GRID2: variants seen among roughly 807,000 people sequenced by gnomAD.
GRID2 encodes glutamate ionotropic receptor delta type subunit 2, also known as glutamate receptor ionotropic, delta-2.
GRID2 carries 33 observed loss-of-function variants against 114.8 expected under a neutral mutation model. The ratio of observed to expected loss-of-function variants is 0.29; its 90% confidence interval spans 0.22 to 0.38. The LOEUF (loss-of-function observed/expected upper bound fraction) is 0.38, where lower values mean the gene tolerates loss of function less well. Among genes scored for constraint, GRID2 ranks in the 10% least tolerant of loss-of-function variants. GRID2 has a pLI of 1.00. For missense variants in GRID2, 1,184 were observed against 1,257.7 expected, an observed-to-expected ratio of 0.94 and a Z score of 0.89; for synonymous variants, 505 against 449.9, an observed-to-expected ratio of 1.12 and a Z score of -1.55.
chr4:92,771,136 C>T (rs548451568), intron 2 of GRID2, among the ~76,000 whole-genome samples: 20 of 152,238 alleles, frequency 1.3e-4, no homozygotes, highest in African/African-American at 4.3e-4. Flanking sequence ...CCAGTATTTC[C>T]AAACATGTTA....
At chr4:92,574,489 A>T (rs1727792655) in intron 1 of GRID2, among the ~76,000 whole-genome samples, 1 of 146,660 alleles carries the variant, frequency 6.8e-6, no homozygotes, top group South Asian at 2.2e-4. Flanking sequence ...GAGCTCTTGT[A>T]ACACAAGTCT....
chr4:93,064,440 C>T (rs1728086763), intron 2 of GRID2, among the ~76,000 whole-genome samples: 1 of 151,814 alleles, frequency 6.6e-6, no homozygotes, highest in Admixed American at 6.6e-5. Flanking sequence ...ACAGCATTTA[C>T]TAGCTCCTTG....
At chr4:93,314,753 AC>A (rs1756403211) in intron 8 of GRID2, among the ~76,000 whole-genome samples, 1 of 152,038 alleles carries the variant, frequency 6.6e-6, no homozygotes, top group Non-Finnish European at 1.5e-5. Context: ...ACACACACAC[AC>A]ACACACTACA....
chr4:92,936,350 A>T (rs920290437), intron 2 of GRID2, among the ~76,000 whole-genome samples: 1 of 146,502 alleles, frequency 6.8e-6, no homozygotes, highest in Non-Finnish European at 1.5e-5. Context: ...ATTATCTGAG[A>T]TTCGTTTGTA....
intron 4 of GRID2, among the ~76,000 whole-genome samples, chr4:93,190,120 T>C (rs917143119): frequency 3.9e-5 from 6 of 152,152 alleles, no homozygotes; most frequent in African/African-American, 1.4e-4. Context: ...TTTATATTTA[T>C]GTCATAATTT....
chr4:93,278,622 A>T (rs576821796), intron 8 of GRID2, among the ~76,000 whole-genome samples: 21 of 152,166 alleles, frequency 1.4e-4, no homozygotes, highest in African/African-American at 4.6e-4. Flanking sequence ...TTATTTGAGT[A>T]TATAATGAAT....
chr4:92,678,963 G>A (rs1379390166), intron 2 of GRID2, among the ~76,000 whole-genome samples: 1 of 147,262 alleles, frequency 6.8e-6, no homozygotes, highest in Non-Finnish European at 1.5e-5. Flanking sequence ...CTCTCCGACT[G>A]CAAATAGCTT....
At position 93,497,536 on chromosome 4, in the gene GRID2, A is replaced by G. The variant is rs139930892; in HGVS notation, c.1997+6759A>G. Among the ~76,000 whole-genome samples the G allele has an allele frequency of 7.4e-3, 1,123 of 151,936 alleles. 10 individuals carry two copies. Among genetic ancestry groups the G allele is most frequent in the African/African-American group, 0.026 (1,069 of 41,528 alleles). On this transcript the variant is annotated intron_variant, in intron 12 of 15. Coordinates refer to ENST00000282020, the MANE Select transcript of GRID2 (RefSeq NM_001510.4). ...TTGATGCATTTTGAGTTAATTTTGT[A>G]TAAAGTGCAACGTTTAGGTTCAATT...
chr4:92,837,347 T>C (rs752769012), intron 2 of GRID2, among the ~76,000 whole-genome samples: 47 of 152,026 alleles, frequency 3.1e-4, no homozygotes, highest in Non-Finnish European at 5.3e-4. Flanking sequence ...TCCATTTCTA[T>C]GTTTACCCAA....
intron 4 of GRID2, among the ~76,000 whole-genome samples, chr4:93,128,633 C>T (rs1734520304): frequency 6.6e-6 from 1 of 152,090 alleles, no homozygotes. Flanking sequence ...GCTAAACTGT[C>T]CTAATCAGGG....
At chr4:93,359,731 T>C (rs1271773458) in intron 8 of GRID2, among the ~76,000 whole-genome samples, 34 of 141,282 alleles carry the variant, frequency 2.4e-4, no homozygotes, top group Admixed American at 2.2e-3. Flanking sequence ...CTATGGTATT[T>C]GCTTAGCAAA....
At chr4:93,219,370 T>A (rs927426762) in intron 6 of GRID2, among the ~76,000 whole-genome samples, 2 of 152,158 alleles carry the variant, frequency 1.3e-5, no homozygotes, top group Non-Finnish European at 2.9e-5. Context: ...TTTATTTATG[T>A]CTATATTCCT....
At chr4:93,650,208 G>A (rs531380802) in intron 14 of GRID2, among the ~76,000 whole-genome samples, 2 of 152,052 alleles carry the variant, frequency 1.3e-5, no homozygotes, top group African/African-American at 4.8e-5. Context: ...ACAGAAAGCA[G>A]CCCTAAGGAT....
intron 13 of GRID2, among the ~76,000 whole-genome samples, chr4:93,518,873 G>A (rs1730062408): frequency 6.6e-6 from 1 of 152,038 alleles, no homozygotes; most frequent in Non-Finnish European, 1.5e-5. Flanking sequence ...AGAATATGAA[G>A]GGGGCCAGTA....
intron 14 of GRID2, among the ~76,000 whole-genome samples, chr4:93,750,104 C>T (rs1732185802): frequency 6.6e-6 from 1 of 152,194 alleles, no homozygotes; most frequent in South Asian, 2.1e-4. Flanking sequence ...ATCCTCTGTG[C>T]AAACAACTGT....
At position 92,450,318 on chromosome 4, in the gene GRID2, C is replaced by T. The variant is rs529807572; in HGVS notation, c.89-139813C>T. Among the ~76,000 whole-genome samples, 27 of 152,116 alleles carry T rather than the reference C, an allele frequency of 1.8e-4. 2 individuals are homozygous for T. The South Asian group carries it at 5.6e-3, about 32-fold the overall frequency. ...TGCAGTGAGGCATTAAGCATGTCCTCATAATGCCTTTAGGATTGCCAAAAG... is the reference window on the plus strand; with the variant it reads ...TGCAGTGAGGCATTAAGCATGTCCTTATAATGCCTTTAGGATTGCCAAAAG... On this transcript the variant is annotated intron_variant, in intron 1 of 15. Transcript: ENST00000282020.
chr4:92,892,057 T>G (rs1451075376), intron 2 of GRID2, among the ~76,000 whole-genome samples: 1 of 152,134 alleles, frequency 6.6e-6, no homozygotes, highest in Non-Finnish European at 1.5e-5. Flanking sequence ...AGCTGGTTTT[T>G]TTTTTTGTTT....
At chr4:93,544,709 G>A (rs965732219) in intron 13 of GRID2, among the ~76,000 whole-genome samples, 2 of 150,888 alleles carry the variant, frequency 1.3e-5, no homozygotes, top group African/African-American at 2.4e-5. Flanking sequence ...CTCGGGAGGC[G>A]GAGACTGCAG....
At chr4:93,786,402 C>T (rs1304962942) in intron 1 of GRID2, among the ~76,000 whole-genome samples, 1 of 152,112 alleles carries the variant, frequency 6.6e-6, no homozygotes, top group Admixed American at 6.5e-5. Flanking sequence ...CACTTGAGCA[C>T]ATTTAAATGC....
Sources: gnomAD v4.1 joint callset for allele counts (sites outside exome capture counted in the v4.1 genomes callset) on GRCh38, gnomAD v4.1.1 for gene constraint, MANE v1.5 for transcripts, NCBI Gene and HGNC (gene_info 2026-07-23, HGNC 2026-07-21) for gene names.